ADGRL4: variants seen among roughly 807,000 people sequenced by gnomAD.
ADGRL4 encodes the protein adhesion G protein-coupled receptor L4.
In ADGRL4, 90 loss-of-function variants were observed where a neutral mutation model predicts 74.8. That is an observed-to-expected ratio of 1.20 (90% CI 1.02 to 1.43). The LOEUF (loss-of-function observed/expected upper bound fraction) is 1.43, where lower values mean the gene tolerates loss of function less well. ADGRL4 is among the 40% of genes most tolerant of loss of function. The pLI is 0.00. For missense variants in ADGRL4, 881 were observed against 814.3 expected, an observed-to-expected ratio of 1.08 and a Z score of -1.00; for synonymous variants, 311 against 279.2, an observed-to-expected ratio of 1.11 and a Z score of -1.14.
chr1:78,951,351 C>A (rs1254322966), intron 2 of ADGRL4, among the ~76,000 whole-genome samples: 1 of 152,090 alleles, frequency 6.6e-6, no homozygotes, highest in Non-Finnish European at 1.5e-5. Context: ...AAAAGGAAGC[C>A]TCTCCACATA....
chr1:78,991,349 T>A (rs1650604363), intron 2 of ADGRL4, among the ~76,000 whole-genome samples: 1 of 152,010 alleles, frequency 6.6e-6, no homozygotes, highest in African/African-American at 2.4e-5. Context: ...GAAGTACATA[T>A]TTTGGCGTTC....
At chr1:78,949,415 T>C (rs1294623758) in intron 2 of ADGRL4, among the ~76,000 whole-genome samples, 1 of 152,144 alleles carries the variant, frequency 6.6e-6, no homozygotes, top group African/African-American at 2.4e-5. Context: ...GAAAGAAAAA[T>C]ATTTCCTTAT....
chr1:78,950,098 A>C (rs1189104037), intron 2 of ADGRL4, among the ~76,000 whole-genome samples: 1 of 152,176 alleles, frequency 6.6e-6, no homozygotes, highest in African/African-American at 2.4e-5. Flanking sequence ...CAACTGGAAG[A>C]AAATGGCTTC....
chr1:78,965,645 A>G (rs1035078701), intron 2 of ADGRL4, among the ~76,000 whole-genome samples: 3 of 152,212 alleles, frequency 2.0e-5, no homozygotes, highest in Non-Finnish European at 4.4e-5. Context: ...ATCCATTTTT[A>G]CCAATCTTTT....
At chr1:78,898,102 G>T (rs1490943280) in intron 12 of ADGRL4, among the ~76,000 whole-genome samples, 1 of 151,928 alleles carries the variant, frequency 6.6e-6, no homozygotes, top group Non-Finnish European at 1.5e-5. Context: ...TTAAAAAAAA[G>T]GATACCTCAA....
At chr1:78,983,936 T>A (rs1368799694) in intron 2 of ADGRL4, among the ~76,000 whole-genome samples, 1 of 151,776 alleles carries the variant, frequency 6.6e-6, no homozygotes, top group Non-Finnish European at 1.5e-5. Flanking sequence ...CAGATAGCCA[T>A]CTTCAGATAA....
Position 78,982,248 on chromosome 1 carries a change from C to T in ADGRL4, c.172+22822G>A, listed in dbSNP as rs543417754. On this transcript the variant is annotated intron_variant, in intron 2 of 14. Transcript: ENST00000370742. ...TTTTGCTCACAATTTCATGCTTTAA[C>T]ATTTTCCTATGAAAGGTGGGACAAC... Among the ~76,000 whole-genome samples, 5 of 151,920 alleles carry T rather than the reference C, an allele frequency of 3.3e-5. No individual in the cohort carries two copies. The South Asian group carries it at 1.0e-3, about 32-fold the overall frequency.
intron 2 of ADGRL4, among the ~76,000 whole-genome samples, chr1:78,987,959 A>T (rs1038023664): frequency 2.0e-5 from 3 of 150,500 alleles, no homozygotes; most frequent in Non-Finnish European, 4.5e-5. Context: ...AGTAATATTT[A>T]TTGCATCATT....
intron 2 of ADGRL4, among the ~76,000 whole-genome samples, chr1:78,954,743 T>C (rs1311312399): frequency 6.6e-6 from 1 of 152,130 alleles, no homozygotes; most frequent in Non-Finnish European, 1.5e-5. Context: ...TAAAAAATTG[T>C]AGTTAGAAAT....
In ADGRL4 at chr1:78,946,336, G is replaced by GTACA; in HGVS notation, c.262_263insTGTA (p.Pro88LeufsTer9). On this transcript the variant is annotated frameshift_variant, in exon 3 of 15. Transcript: ENST00000370742. LOFTEE classifies it high-confidence loss of function. ...TTGGTTACTGCTGGATCTGAAGCCAGGTACACACATACAATAATAACTTCC... is the reference window on the plus strand; with the variant it reads ...TTGGTTACTGCTGGATCTGAAGCCAGTACAGTACACACATACAATAATAACTTCC... 6.2e-7 allele frequency: 1 copy of GTACA among 1,613,332 alleles called. No individual in the cohort carries two copies. Among genetic ancestry groups the GTACA allele is most frequent in the South Asian group, 1.1e-5 (1 of 91,012 alleles).
Position 78,891,133 on chromosome 1 carries a change from A to AT in ADGRL4, c.*20dup, listed in dbSNP as rs747051803. ...GAATTTTTATTTTTGTGCAGTTGTA[A>AT]TTATCCACCATTCTCTATGTTTACC... On this transcript the variant is annotated 3_prime_UTR_variant, in exon 15 of 15. Transcript: ENST00000370742. 6.2e-7 allele frequency: 1 copy of AT among 1,610,196 alleles called. No homozygotes were observed.
At chr1:78,936,490 ATTTCATCC>A in intron 6 of ADGRL4, 79 bp from the exon 7 acceptor site, 2 of 1,212,856 alleles carry the variant, frequency 1.6e-6, no homozygotes, top group Non-Finnish European at 2.3e-6. Flanking sequence ...CTTAGAGACA[ATTTCATCC>A]ATCATTATTG....
intron 1 of ADGRL4, 111 bp downstream of exon 1, chr1:79,006,522 G>T: frequency 7.9e-7 from 1 of 1,261,578 alleles, no homozygotes; most frequent in Non-Finnish European, 1.1e-6. Context: ...TCTCCTCGGA[G>T]ATTTTGCCAA....
At chr1:78,922,201 A>G (rs1159621068) in intron 8 of ADGRL4, among the ~76,000 whole-genome samples, 2 of 152,032 alleles carry the variant, frequency 1.3e-5, no homozygotes, top group Admixed American at 6.6e-5. Context: ...TTATTCAATG[A>G]GAAAAGTAAC....
chr1:78,902,940 G>C (rs1464492532), intron 12 of ADGRL4, among the ~76,000 whole-genome samples: 1 of 152,058 alleles, frequency 6.6e-6, no homozygotes, highest in Non-Finnish European at 1.5e-5. Context: ...ATCCTTTAGA[G>C]TCCAAATATA....
At position 78,978,344 on chromosome 1, in the gene ADGRL4, A is replaced by C. The variant is rs1650330538; in HGVS notation, c.172+26726T>G. Among the ~76,000 whole-genome samples the C allele has an allele frequency of 2.6e-5, 4 of 151,980 alleles. No individual in the cohort carries two copies. In the Admixed American group the frequency reaches 2.6e-4, roughly 10 times the overall value. On this transcript the variant is annotated intron_variant, in intron 2 of 14. Transcript: ENST00000370742. Reference sequence around the variant, plus strand: ...TTGTCATTACTGAACTTTCACTCACACTATTTTTGTTTTGTAAATGTATTG... The same window carrying C: ...TTGTCATTACTGAACTTTCACTCACCCTATTTTTGTTTTGTAAATGTATTG...
chr1:78,905,335 G>A (rs1250508649), intron 12 of ADGRL4, among the ~76,000 whole-genome samples: 1 of 151,822 alleles, frequency 6.6e-6, no homozygotes, highest in African/African-American at 2.4e-5. Flanking sequence ...TATTGCAAAG[G>A]GTGACCCATA....
intron 12 of ADGRL4, among the ~76,000 whole-genome samples, chr1:78,895,099 G>T (rs58618461): frequency 6.6e-6 from 1 of 151,816 alleles, no homozygotes; most frequent in Non-Finnish European, 1.5e-5. Flanking sequence ...CCCAGGTGCT[G>T]CTGGGCAAGT....
chr1:78,940,575 G>A (rs1234998344), intron 3 of ADGRL4, among the ~76,000 whole-genome samples: 2 of 152,014 alleles, frequency 1.3e-5, no homozygotes, highest in Non-Finnish European at 2.9e-5. Flanking sequence ...AAGGAACTGA[G>A]GAGTCTAGAT....
Sources: gnomAD v4.1 joint callset for allele counts (sites outside exome capture counted in the v4.1 genomes callset) on GRCh38, gnomAD v4.1.1 for gene constraint, MANE v1.5 for transcripts, NCBI Gene and HGNC (gene_info 2026-07-23, HGNC 2026-07-21) for gene names.